PPFIA1: variants seen among roughly 807,000 people sequenced by gnomAD.
PPFIA1 encodes the protein liprin-alpha-1.
In PPFIA1, 25 loss-of-function variants were observed where a neutral mutation model predicts 149.9. That is an observed-to-expected ratio of 0.17 (90% CI 0.12 to 0.23). PPFIA1 has a LOEUF of 0.23. Among genes scored for constraint, PPFIA1 ranks in the 10% least tolerant of loss-of-function variants. PPFIA1 has a pLI of 1.00. For synonymous variants in PPFIA1, 549 were observed against 552.8 expected (o/e 0.99, Z 0.10); for missense variants, 1,362 against 1,506.5 (o/e 0.90, Z 1.59).
intron 6 of PPFIA1, 60 bp downstream of exon 6, chr11:70,326,423 G>A: frequency 6.8e-7 from 1 of 1,461,706 alleles, no homozygotes; most frequent in Admixed American, 1.9e-5. Context: ...GTATGTGTCG[G>A]GTTATGTGGA....
intron 2 of PPFIA1, among the ~76,000 whole-genome samples, chr11:70,288,538 A>G (rs1347047429): frequency 6.6e-6 from 1 of 152,172 alleles, no homozygotes; most frequent in Admixed American, 6.6e-5. Flanking sequence ...TTTAGTGTCC[A>G]TGGTGTTCCC....
At chr11:70,328,101 A>G (rs958502875) in intron 7 of PPFIA1, among the ~76,000 whole-genome samples, 1 of 152,110 alleles carries the variant, frequency 6.6e-6, no homozygotes, top group Admixed American at 6.6e-5. Context: ...TTTAACTTTT[A>G]AGTTTGGGGT....
At chr11:70,328,585 G>T (rs755278717) in intron 7 of PPFIA1, among the ~76,000 whole-genome samples, 1 of 151,974 alleles carries the variant, frequency 6.6e-6, no homozygotes, top group African/African-American at 2.4e-5. Context: ...ATTCCTTTGG[G>T]TATATACCCC....
At chr11:70,347,216 G>A (rs904589071) in intron 15 of PPFIA1, among the ~76,000 whole-genome samples, 1 of 152,104 alleles carries the variant, frequency 6.6e-6, no homozygotes, top group African/African-American at 2.4e-5. Context: ...AAGAATAGGG[G>A]AGATAAGGGT....
intron 16 of PPFIA1, among the ~76,000 whole-genome samples, chr11:70,349,135 C>CAAAAAAAAAAAAAAAA: frequency 1.3e-5 from 1 of 74,602 alleles, no homozygotes; most frequent in Non-Finnish European, 2.7e-5. Context: ...CATCTACTAC[C>CAAAAAAAAAAAAAAAA]AAAAAAAAAA....
rs1479935470 is a variant in PPFIA1, at chr11:70,270,897, C to A, written c.-18C>A. ...AGCCGCCGCGGAGCCTCCTCGCCCG[C>A]TCCCGCCGGCGAGCAAGGTAAGGGA... On this transcript the variant is annotated 5_prime_UTR_variant, in exon 1 of 28. Transcript: ENST00000253925. 1 of 151,094 alleles carries A rather than the reference C, an allele frequency of 6.6e-6. No individual in the cohort carries two copies. The highest frequency in any genetic ancestry group is 1.5e-5 in the Non-Finnish European group (1 of 67,668). The allele number at this position is 151,094 out of a possible 1,614,324, so 9.4% of individuals were successfully genotyped here. A position where few individuals can be genotyped will look rare whatever the true frequency, so the allele number is the denominator to read the frequency against.
chr11:70,349,963 A>G (rs1305793359), intron 16 of PPFIA1: 1 of 455,396 alleles, frequency 2.2e-6, no homozygotes, highest in South Asian at 1.6e-5. Flanking sequence ...TCAGGTCCCC[A>G]TCAGTCAGTA....
chr11:70,374,378 A>AG (rs1406375188), intron 23 of PPFIA1: 2 of 152,250 alleles, frequency 1.3e-5, no homozygotes, highest in African/African-American at 2.4e-5. Context: ...AGAAAAAGAG[A>AG]GGAAAAAAAA....
At chr11:70,315,094 C>T (rs976439210) in intron 2 of PPFIA1, among the ~76,000 whole-genome samples, 10 of 152,194 alleles carry the variant, frequency 6.6e-5, no homozygotes. Flanking sequence ...TGGTCCTGCC[C>T]TCAACACATG....
At chr11:70,273,256 C>CAAA (rs112897172) in intron 2 of PPFIA1, among the ~76,000 whole-genome samples, 9 of 142,388 alleles carry the variant, frequency 6.3e-5, no homozygotes, top group African/African-American at 2.3e-4. Flanking sequence ...CAGCCTGTCT[C>CAAA]AAAAAAAAAA....
At chr11:70,311,308 CAAA>C (rs879918332) in intron 2 of PPFIA1, among the ~76,000 whole-genome samples, 2 of 128,656 alleles carry the variant, frequency 1.6e-5, no homozygotes, top group Admixed American at 7.8e-5. Flanking sequence ...AACTCCATCT[CAAA>C]AAAAAAAAAA....
chr11:70,309,743 G>A (rs796827279), intron 2 of PPFIA1, among the ~76,000 whole-genome samples: 7 of 152,254 alleles, frequency 4.6e-5, no homozygotes, highest in African/African-American at 1.7e-4. Flanking sequence ...AAAGAAGCCA[G>A]GCACAAAAAG....
intron 23 of PPFIA1, chr11:70,373,574 A>C (rs913372576): frequency 2.0e-5 from 3 of 152,160 alleles, no homozygotes; most frequent in Admixed American, 6.5e-5. Context: ...GCTCAGAGTA[A>C]TGACTCCCAG....
At chr11:70,309,762 T>G (rs1252441433) in intron 2 of PPFIA1, among the ~76,000 whole-genome samples, 2 of 152,038 alleles carry the variant, frequency 1.3e-5, no homozygotes, top group African/African-American at 4.8e-5. Context: ...AGCCACATAG[T>G]GTATGATTCC....
At chr11:70,286,014 G>A (rs1012570102) in intron 2 of PPFIA1, among the ~76,000 whole-genome samples, 3 of 152,106 alleles carry the variant, frequency 2.0e-5, no homozygotes, top group Non-Finnish European at 4.4e-5. Context: ...TCCACTTTTC[G>A]TTGATGTTTG....
intron 2 of PPFIA1, among the ~76,000 whole-genome samples, chr11:70,322,836 C>G (rs940058643): frequency 2.0e-5 from 3 of 152,166 alleles, no homozygotes; most frequent in African/African-American, 7.2e-5. Context: ...TCCCCACCCC[C>G]GCTGTGTTCA....
At chr11:70,368,736 C>G (rs1166859911) in intron 21 of PPFIA1, among the ~76,000 whole-genome samples, 1 of 152,172 alleles carries the variant, frequency 6.6e-6, no homozygotes, top group Non-Finnish European at 1.5e-5. Context: ...TGCTTAAACC[C>G]ACTTATTCTG....
At chr11:70,311,885 C>T (rs1314721291) in intron 2 of PPFIA1, among the ~76,000 whole-genome samples, 1 of 144,988 alleles carries the variant, frequency 6.9e-6, no homozygotes, top group Non-Finnish European at 1.5e-5. Flanking sequence ...ACCTTGTCAC[C>T]CAGGCTGGAA....
intron 23 of PPFIA1, among the ~76,000 whole-genome samples, chr11:70,373,226 T>C (rs1367948188): frequency 6.6e-6 from 1 of 152,172 alleles, no homozygotes; most frequent in African/African-American, 2.4e-5. Flanking sequence ...TTTATTTATT[T>C]ATTTAATTTA....
Sources: allele counts gnomAD v4.1 joint callset (sites outside exome capture counted in the v4.1 genomes callset), GRCh38; gene constraint gnomAD v4.1.1; transcripts MANE v1.5; gene names NCBI Gene and HGNC (gene_info 2026-07-23, HGNC 2026-07-21).